Variants in CYP2B6 observed in about 807,000 individuals in gnomAD.
CYP2B6 encodes cytochrome P450 2B6.
A neutral mutation model predicts 43.4 loss-of-function variants in CYP2B6; 35 were observed. That is an observed-to-expected ratio of 0.81 (90% CI 0.62 to 1.07). The LOEUF is 1.07. Among genes scored for constraint, CYP2B6 ranks in the 50% least tolerant of loss-of-function variants. The pLI is 0.00. For missense variants in CYP2B6, 624 were observed against 632.8 expected, an observed-to-expected ratio of 0.99 and a Z score of 0.15; for synonymous variants, 239 against 239.2, an observed-to-expected ratio of 1.00 and a Z score of 0.01.
At chr19:40,997,486 G>T (rs1969015057) in intron 1 of CYP2B6, among the ~76,000 whole-genome samples, 1 of 151,824 alleles carries the variant, frequency 6.6e-6, no homozygotes, top group South Asian at 2.1e-4. Flanking sequence ...TCTGATCAAT[G>T]GTCTTTTTAA....
chr19:41,003,805 A>G, intron 1 of CYP2B6, 196 bp from the exon 2 acceptor site: 2 of 728,644 alleles, frequency 2.7e-6, no homozygotes, highest in African/African-American at 1.7e-5. Flanking sequence ...CTAAGAACCC[A>G]TGACTGTATT....
In CYP2B6 at chr19:41,007,078, G is replaced by A. The variant is rs757864735; in HGVS notation, c.645+13G>A. On this transcript the variant is annotated intron_variant, in intron 4 of 8. Transcript: ENST00000324071. Reference sequence around the variant, plus strand: ...TGTATTCGGCCAGGTCAGGGAGACGGAGAGGGACAGGGGGTGTGGGGGTGA... The same window carrying A: ...TGTATTCGGCCAGGTCAGGGAGACGAAGAGGGACAGGGGGTGTGGGGGTGA... The A allele has an allele frequency of 6.8e-6, 11 of 1,613,892 alleles. No homozygotes were observed. Among genetic ancestry groups the A allele is most frequent in the Non-Finnish European group, 9.3e-6 (11 of 1,179,970 alleles).
chr19:41,009,617 G>C (rs1036728806), intron 5 of CYP2B6: 1 of 630,320 alleles, frequency 1.6e-6, no homozygotes, highest in Non-Finnish European at 2.8e-6. Flanking sequence ...AGGGAGAGAG[G>C]GGAGGTGGGA....
At chr19:40,997,350 A>G (rs1969012588) in intron 1 of CYP2B6, among the ~76,000 whole-genome samples, 1 of 151,960 alleles carries the variant, frequency 6.6e-6, no homozygotes, top group South Asian at 2.1e-4. Context: ...CCCACTTTCC[A>G]ATGGGAGAAT....
chr19:41,015,682 A>G (rs1240563550), intron 8 of CYP2B6, among the ~76,000 whole-genome samples: 4 of 152,124 alleles, frequency 2.6e-5, no homozygotes, highest in Admixed American at 6.5e-5. Flanking sequence ...TTCACAATTT[A>G]TATACAATTG....
chr19:41,012,231 T>C, intron 6 of CYP2B6, 67 bp from the exon 7 acceptor site: 1 of 1,505,540 alleles, frequency 6.6e-7, no homozygotes, highest in East Asian at 2.3e-5. Context: ...ATTACAGGCA[T>C]GAGCCACCAT....
intron 5 of CYP2B6, 191 bp from the exon 6 acceptor site, chr19:41,009,803 G>C (rs1424671777): frequency 1.1e-5 from 7 of 649,370 alleles, no homozygotes; most frequent in Non-Finnish European, 1.9e-5. Context: ...GAGTTAGGAA[G>C]ACTAAAGAGA....
chr19:41,009,202 C>T lies in CYP2B6; in HGVS notation c.646-17C>T, dbSNP rs12721646. On this transcript the variant is annotated splice_polypyrimidine_tract_variant and intron_variant, in intron 4 of 8. Transcript: ENST00000324071. ...GCTCAGCCCTAGGCAAACCTCACCA[C>T]CCCTTCTTTCTTGCAGCTGTTTGAG... The T allele has an allele frequency of 1.0e-2, 16,010 of 1,607,186 alleles. 1,157 individuals are homozygous for T. In the African/African-American group the frequency reaches 0.17, roughly 18 times the overall value.
In CYP2B6 at chr19:41,017,571, G is replaced by A. The variant is rs183512933; in HGVS notation, c.*744G>A. ...TGCAACCTCCACATCCTGGGTTCAA[G>A]TGATTCTCCTGCCTCAGCCTCTGGA... is the stretch of plus-strand genomic sequence containing the variant. On this transcript the variant is annotated 3_prime_UTR_variant, in exon 9 of 9. Coordinates refer to ENST00000324071, the MANE Select transcript of CYP2B6 (RefSeq NM_000767.5). 1.3e-3 allele frequency: 199 copies of A among 152,170 alleles called. No individual in the cohort carries two copies. Among genetic ancestry groups the A allele is most frequent in the African/African-American group, 4.6e-3 (192 of 41,498 alleles). 9.4% of individuals were successfully genotyped at this position (152,170 alleles called of 1,614,324 possible).
intron 5 of CYP2B6, 130 bp downstream of exon 5, chr19:41,009,525 T>C: frequency 1.0e-6 from 1 of 998,920 alleles, no homozygotes; most frequent in East Asian, 2.7e-5. Context: ...GAGGGGAGAA[T>C]AGGGAAAGGG....
intron 3 of CYP2B6, among the ~76,000 whole-genome samples, chr19:41,004,731 G>C (rs33912321): frequency 6.6e-6 from 1 of 151,938 alleles, no homozygotes; most frequent in Non-Finnish European, 1.5e-5. Flanking sequence ...ACTCTCACCT[G>C]TAATCCCAGT....
At position 41,011,572 on chromosome 19, in the gene CYP2B6, A is replaced by G. The variant is rs139483077; in HGVS notation, c.965-726A>G. On this transcript the variant is annotated intron_variant, in intron 6 of 8. Coordinates refer to ENST00000324071, the MANE Select transcript of CYP2B6 (RefSeq NM_000767.5). The stretch of plus-strand genomic sequence containing the variant: ...TATCCAGTTGTTCATGAATTCATCT[A>G]TTGTTCTATTACACTGTTATATACC... 2.6e-3 allele frequency among the ~76,000 whole-genome samples: 396 copies of G among 152,292 alleles called. 1 individual carries two copies. The highest frequency in any genetic ancestry group is 9.1e-3 in the African/African-American group (378 of 41,566).
At chr19:41,013,093 G>A (rs978518466) in intron 8 of CYP2B6, 57 of 447,112 alleles carry the variant, frequency 1.3e-4, no homozygotes, top group African/African-American at 1.1e-3. Context: ...AAAATCTGTT[G>A]GGCACCACTG....
chr19:41,011,613 G>T (rs544877654), intron 6 of CYP2B6, among the ~76,000 whole-genome samples: 2 of 152,262 alleles, frequency 1.3e-5, no homozygotes, highest in South Asian at 4.1e-4. Context: ...ACCAAGAATA[G>T]TGTCTCAACT....
Position 41,016,845 on chromosome 19 carries a change from G to T in CYP2B6, c.*18G>T. On this transcript the variant is annotated 3_prime_UTR_variant, in exon 9 of 9. Coordinates refer to ENST00000324071, the MANE Select transcript of CYP2B6 (RefSeq NM_000767.5). ...CCCGCTGAAGGGGCTGAGGGAAGGG[G>T]GTCAAAGGATTCCAGGGTCATTCAG... The T allele has an allele frequency of 6.2e-7, 1 of 1,611,676 alleles. No individual in the cohort carries two copies. Among genetic ancestry groups the T allele is most frequent in the Non-Finnish European group, 8.5e-7 (1 of 1,178,710 alleles).
chr19:40,998,598 A>G (rs967498139), intron 1 of CYP2B6, among the ~76,000 whole-genome samples: 1 of 127,268 alleles, frequency 7.9e-6, no homozygotes, highest in Admixed American at 8.4e-5. Context: ...AACAGTCCCC[A>G]GAGTGTGATG....
At chr19:41,007,837 G>A (rs1471264317) in intron 4 of CYP2B6, among the ~76,000 whole-genome samples, 189 of 152,094 alleles carry the variant, frequency 1.2e-3, no homozygotes, top group African/African-American at 4.4e-3. Context: ...TGTTGGCCAG[G>A]CTGGTCTCTA....
At chr19:41,003,294 T>G (rs1312250139) in intron 1 of CYP2B6, among the ~76,000 whole-genome samples, 2 of 152,072 alleles carry the variant, frequency 1.3e-5, no homozygotes, top group African/African-American at 4.8e-5. Flanking sequence ...ACTCTTTTTT[T>G]TTCCTATACA....
At chr19:41,013,457 C>T (rs1393481083) in intron 8 of CYP2B6, among the ~76,000 whole-genome samples, 188 of 152,208 alleles carry the variant, frequency 1.2e-3, no homozygotes, top group African/African-American at 4.4e-3. Context: ...CATGGGTGAG[C>T]ATCAATCAAC....
Sources: allele counts gnomAD v4.1 joint callset (sites outside exome capture counted in the v4.1 genomes callset), GRCh38; gene constraint gnomAD v4.1.1; transcripts MANE v1.5; gene names NCBI Gene and HGNC (gene_info 2026-07-23, HGNC 2026-07-21).